PREB: variants seen among roughly 807,000 people sequenced by gnomAD.
PREB encodes the protein guanine nucleotide-exchange factor SEC12.
Under a neutral mutation model 46.7 loss-of-function variants are expected in PREB, and 29 were observed. The ratio of observed to expected loss-of-function variants is 0.62; its 90% CI spans 0.46 to 0.85. The LOEUF is 0.85. Ranked by LOEUF, PREB falls within the 40% of genes least tolerant of loss-of-function variation. The pLI, the probability that PREB is intolerant of heterozygous loss-of-function variation, is 0.00. For synonymous variants in PREB, 224 were observed against 220.1 expected (o/e 1.02, Z -0.16); for missense variants, 494 against 528.4 (o/e 0.93, Z 0.64).
At position 27,132,223 on chromosome 2, in the gene PREB, C is replaced by G; in HGVS notation, c.926+7G>C. On this transcript the variant is annotated splice_region_variant and intron_variant, in intron 6 of 8. Transcript: ENST00000260643. The surrounding 1 kb of genome is among the most constrained non-coding windows in gnomAD (Gnocchi z 4.0). ...CCCTACCTAGCCAAGGCAGCAATGT[C>G]TCACACCTGACATCGAGGCAGGAGA... 1 of 1,614,198 alleles carries G rather than the reference C, an allele frequency of 6.2e-7. No homozygotes were observed. Among genetic ancestry groups the G allele is most frequent in the Non-Finnish European group, 8.5e-7 (1 of 1,180,024 alleles).
intron 1 of PREB, 121 bp downstream of exon 1, chr2:27,134,166 T>G (rs953382138): frequency 7.7e-7 from 1 of 1,303,026 alleles, no homozygotes. Flanking sequence ...CAAGCGGGTC[T>G]TCCCAACAGA....
rs1672332839 is a variant in PREB at position 27,132,735 on chromosome 2, G to C, written c.628-8C>G. ...CCGGCCCACGGTTACCAACTAGTTA[G>C]GAATAAAGATTCCAAGGATGGACAG... is the stretch of plus-strand genomic sequence containing the variant. On this transcript the variant is annotated splice_region_variant and splice_polypyrimidine_tract_variant and intron_variant, in intron 4 of 8. Transcript: ENST00000260643. This position sits in a 1 kb window ranked among gnomAD's most constrained non-coding sequence, Gnocchi z 4.0. The C allele has an allele frequency of 3.1e-6, 5 of 1,614,142 alleles. No homozygotes were observed. The highest frequency in any genetic ancestry group is 4.2e-6 in the Non-Finnish European group (5 of 1,180,012).
At position 27,130,945 on chromosome 2, in the gene PREB, C is replaced by T. The variant is rs1247613134; in HGVS notation, c.*469G>A. ...TACTACCCAAGTCTTCCTTTTGCCC[C>T]TTCCTGCCCTAACAGCAAGTACCAG... is the stretch of plus-strand genomic sequence containing the variant. On this transcript the variant is annotated 3_prime_UTR_variant, in exon 9 of 9. Coordinates refer to ENST00000260643, the MANE Select transcript of PREB (RefSeq NM_013388.6). 1.1e-5 allele frequency: 7 copies of T among 640,718 alleles called. No homozygotes were observed. Among genetic ancestry groups the T allele is most frequent in the East Asian group, 8.3e-5 (3 of 35,998 alleles). 39.7% of individuals were successfully genotyped at this position (640,718 alleles called of 1,614,324 possible). A position where few individuals can be genotyped will look rare whatever the true frequency, so the allele number is the denominator to read the frequency against.
intron 3 of PREB, 45 bp downstream of exon 3, chr2:27,133,072 C>A (rs772951857): frequency 9.4e-6 from 15 of 1,599,986 alleles, no homozygotes; most frequent in Non-Finnish European, 1.3e-5. Context: ...AATTTTGATC[C>A]TGTTGCTACT....
Position 27,132,960 on chromosome 2 carries a change from C to T in PREB, c.547-37G>A. 16 of 1,610,088 alleles carry T rather than the reference C, an allele frequency of 9.9e-6. No individual in the cohort carries two copies. The highest frequency in any genetic ancestry group is 1.4e-5 in the Non-Finnish European group (16 of 1,176,602). Reference sequence around the variant, plus strand: ...CAACCACCATGGTTAACTCAGGTGTCCAGCAAGTACACTGTGACTGATGCC... The same window carrying T: ...CAACCACCATGGTTAACTCAGGTGTTCAGCAAGTACACTGTGACTGATGCC... On this transcript the variant is annotated intron_variant, in intron 3 of 8. Transcript: ENST00000260643. This position sits in a 1 kb window ranked among gnomAD's most constrained non-coding sequence, Gnocchi z 4.0.
rs766779094 is a variant in PREB at position 27,133,684 on chromosome 2, C to T, written c.173G>A (p.Ser58Asn). The change falls in exon 2 of 9, where the codon AGT becomes AAT. Residue 58 changes from serine to asparagine, a missense_variant. By Grantham distance (46) the Ser-to-Asn change is conservative (BLOSUM62 1). Coordinates refer to ENST00000260643, the MANE Select transcript of PREB (RefSeq NM_013388.6). ...LQLELINGRL[S>N]ASLLHSHDTE... ...GTCATGGGAGTGCAGCAAGGAGGCA[C>T]TCAAGCGCCCATTAATCAGCTCTAG... 20 of 1,614,022 alleles carry T rather than the reference C, an allele frequency of 1.2e-5. No individual in the cohort carries two copies. The Admixed American group carries it at 1.5e-4, about 12-fold the overall frequency.
chr2:27,131,887 G>T (rs1402535537), intron 7 of PREB, 56 bp from the exon 8 acceptor site: 1 of 1,600,366 alleles, frequency 6.2e-7, no homozygotes. Context: ...TCTCTTTCTG[G>T]AAAGCATGTT....
Position 27,133,697 on chromosome 2 carries a change from T to C in PREB, c.160A>G (p.Asn54Asp). Residue 54 changes from asparagine to aspartate, a missense_variant, in exon 2 of 9, where the codon AAT (asparagine) becomes GAT (aspartate). By Grantham distance (23) the Asn-to-Asp change is conservative (BLOSUM62 1). Coordinates refer to ENST00000260643, the MANE Select transcript of PREB (RefSeq NM_013388.6). ...AGCAAGGAGGCACTCAAGCGCCCAT[T>C]AATCAGCTCTAGCTGCAGAAAGTGC... ...GVHFLQLELI[N>D]GRLSASLLHS... The C allele has an allele frequency of 6.2e-7, 1 of 1,614,058 alleles. No individual in the cohort carries two copies. Among genetic ancestry groups the C allele is most frequent in the Non-Finnish European group, 8.5e-7 (1 of 1,179,966 alleles).
rs753065089 is a variant in PREB at position 27,130,758 on chromosome 2, T to C, written c.*656A>G. 1 of 1,611,442 alleles carries C rather than the reference T, an allele frequency of 6.2e-7. No individual in the cohort carries two copies. The highest frequency in any genetic ancestry group is 8.5e-7 in the Non-Finnish European group (1 of 1,177,672). ...AGAAACAGCTGACAAGAGTACCATT[T>C]GGGGTCTCAGTTCACTCTTTCCTTG... On this transcript the variant is annotated 3_prime_UTR_variant, in exon 9 of 9. Coordinates refer to ENST00000260643, the MANE Select transcript of PREB (RefSeq NM_013388.6).
Position 27,132,433 on chromosome 2 carries a change from C to G in PREB, c.753-30G>C, listed in dbSNP as rs538277777. Reference sequence around the variant, plus strand: ...GGGCCGGATGAGGGGCTATTCAGCTCCTAGGGCCTGCCCAACCCTCCTCAG... The same window carrying G: ...GGGCCGGATGAGGGGCTATTCAGCTGCTAGGGCCTGCCCAACCCTCCTCAG... On this transcript the variant is annotated intron_variant, in intron 5 of 8. Transcript: ENST00000260643. The surrounding 1 kb of genome is among the most constrained non-coding windows in gnomAD (Gnocchi z 4.0). 6.2e-7 allele frequency: 1 copy of G among 1,601,842 alleles called. No homozygotes were observed. Among genetic ancestry groups the G allele is most frequent in the Non-Finnish European group, 8.5e-7 (1 of 1,174,144 alleles).
In PREB at chr2:27,132,139, C is replaced by A. The variant is rs1301473721; in HGVS notation, c.927-57G>T. Reference sequence around the variant, plus strand: ...GGAGGCTTGTGCAGCAACCCTCATACCCCAATACCGGTCCGTAGGGACCCA... The same window carrying A: ...GGAGGCTTGTGCAGCAACCCTCATAACCCAATACCGGTCCGTAGGGACCCA... On this transcript the variant is annotated intron_variant, in intron 6 of 8. Coordinates refer to ENST00000260643, the MANE Select transcript of PREB (RefSeq NM_013388.6). The surrounding 1 kb of genome is among the most constrained non-coding windows in gnomAD (Gnocchi z 4.0). 1 of 1,609,284 alleles carries A rather than the reference C, an allele frequency of 6.2e-7. No homozygotes were observed. The highest frequency in any genetic ancestry group is 8.5e-7 in the Non-Finnish European group (1 of 1,175,638).
Position 27,134,570 on chromosome 2 carries a change from C to T in PREB, c.-149G>A, listed in dbSNP as rs967756628. The T allele has an allele frequency of 7.4e-7, 1 of 1,352,280 alleles. No homozygotes were observed. Among genetic ancestry groups the T allele is most frequent in the Non-Finnish European group, 9.4e-7 (1 of 1,058,536 alleles). 83.8% of individuals were successfully genotyped at this position (1,352,280 alleles called of 1,614,324 possible). ...TCTCACACCGGGGAGTTGCCAAAACCCTGACCATCAGCAGGAAGCCGAGCC... is the reference window on the plus strand; with the variant it reads ...TCTCACACCGGGGAGTTGCCAAAACTCTGACCATCAGCAGGAAGCCGAGCC... On this transcript the variant is annotated 5_prime_UTR_variant, in exon 1 of 9. Transcript: ENST00000260643.
At chr2:27,133,054 C>T (rs1672349629) in intron 3 of PREB, 63 bp downstream of exon 3, 1 of 1,594,294 alleles carries the variant, frequency 6.3e-7, no homozygotes, top group Non-Finnish European at 8.6e-7. Context: ...CCACGTTCAA[C>T]TTCTCACAAT....
rs549218805 is a variant in PREB, at chr2:27,132,771, C to T, written c.628-44G>A. ...TCCAAGGATGGACAGTTAGGGGATC[C>T]ACTTACTGGGCAAGCAGCATAAGCA... On this transcript the variant is annotated intron_variant, in intron 4 of 8. Coordinates refer to ENST00000260643, the MANE Select transcript of PREB (RefSeq NM_013388.6). The surrounding 1 kb of genome is among the most constrained non-coding windows in gnomAD (Gnocchi z 4.0). 9 of 1,613,756 alleles carry T rather than the reference C, an allele frequency of 5.6e-6. No homozygotes were observed. Among genetic ancestry groups the T allele is most frequent in the Admixed American group, 1.7e-5 (1 of 60,016 alleles).
rs1338974423 is a variant in PREB, at chr2:27,134,422, C to T, written c.-1G>A. 6.4e-7 allele frequency: 1 copy of T among 1,566,494 alleles called. No individual in the cohort carries two copies. Among genetic ancestry groups the T allele is most frequent in the Non-Finnish European group, 8.6e-7 (1 of 1,162,172 alleles). ...GCTCTGGCGCCCGGCGCCGGCCCAT[C>T]CCGCCCGGCGCGCGTTCACTGCCCG... On this transcript the variant is annotated 5_prime_UTR_variant, in exon 1 of 9. Coordinates refer to ENST00000260643, the MANE Select transcript of PREB (RefSeq NM_013388.6).
rs745676012 is a variant in PREB, at chr2:27,132,428, C to T, written c.753-25G>A. On this transcript the variant is annotated intron_variant, in intron 5 of 8. Coordinates refer to ENST00000260643, the MANE Select transcript of PREB (RefSeq NM_013388.6). This position sits in a 1 kb window ranked among gnomAD's most constrained non-coding sequence, Gnocchi z 4.0. ...CCTGGGGGCCGGATGAGGGGCTATTCAGCTCCTAGGGCCTGCCCAACCCTC... is the reference window on the plus strand; with the variant it reads ...CCTGGGGGCCGGATGAGGGGCTATTTAGCTCCTAGGGCCTGCCCAACCCTC... 6 of 1,604,294 alleles carry T rather than the reference C, an allele frequency of 3.7e-6. No individual in the cohort carries two copies. Among genetic ancestry groups the T allele is most frequent in the South Asian group, 3.3e-5 (3 of 90,328 alleles).
Position 27,132,660 on chromosome 2 carries a change from T to G in PREB, c.695A>C (p.His232Pro). The G allele has an allele frequency of 1.2e-6, 2 of 1,614,112 alleles. No individual in the cohort carries two copies. Among genetic ancestry groups the G allele is most frequent in the Non-Finnish European group, 8.5e-7 (1 of 1,180,006 alleles). The change falls in exon 5 of 9, where the codon CAC (histidine) becomes CCC (proline). Residue 232 changes from histidine to proline, a missense_variant. By Grantham distance (77) the His-to-Pro change is moderately conservative. Transcript: ENST00000260643. The surrounding 1 kb of genome is among the most constrained non-coding windows in gnomAD (Gnocchi z 4.0). ...WQKDQLVTQL[H>P]WQENGPTFSS... The stretch of plus-strand genomic sequence containing the variant: ...AAAGGTGGGTCCATTTTCTTGCCAG[T>G]GCAGCTGTGTCACCAGCTGATCCTT...
At chr2:27,131,639 G>A (rs368006064) in intron 8 of PREB, 33 bp downstream of exon 8, 106 of 1,610,594 alleles carry the variant, frequency 6.6e-5, no homozygotes, top group Admixed American at 2.7e-4. Context: ...TAAACGTGGG[G>A]TGGTGCCTGC....
rs1672226931 is a variant in PREB, at chr2:27,130,964, G to C, written c.*450C>G. 1 of 601,552 alleles carries C rather than the reference G, an allele frequency of 1.7e-6. No homozygotes were observed. Among genetic ancestry groups the C allele is most frequent in the Non-Finnish European group, 2.9e-6 (1 of 343,862 alleles). The allele number at this position is 601,552 out of a possible 1,614,324, so 37.3% of individuals were successfully genotyped here. On this transcript the variant is annotated 3_prime_UTR_variant, in exon 9 of 9. Coordinates refer to ENST00000260643, the MANE Select transcript of PREB (RefSeq NM_013388.6). ...TTGCCCCTTCCTGCCCTAACAGCAA[G>C]TACCAGGCCAGTCCCTTCCCCAGCA...
Sources: allele counts gnomAD v4.1 joint callset, GRCh38; gene constraint gnomAD v4.1.1; non-coding constraint Gnocchi (gnomAD v3.1); transcripts MANE v1.5; gene names NCBI Gene and HGNC (gene_info 2026-07-23, HGNC 2026-07-21).